Variants in PPP2R2A observed in about 807,000 individuals in gnomAD.
The protein encoded by PPP2R2A is protein phosphatase 2 regulatory subunit Balpha.
In PPP2R2A, 9 loss-of-function variants were observed where a neutral mutation model predicts 53.2. The observed-to-expected ratio is 0.17, with a 90% CI of 0.10 to 0.30. The LOEUF (loss-of-function observed/expected upper bound fraction) is 0.30, where lower values mean the gene tolerates loss of function less well. Among genes scored for constraint, PPP2R2A ranks in the 10% least tolerant of loss-of-function variants. PPP2R2A has a pLI of 1.00. For synonymous variants in PPP2R2A, 169 were observed against 174.2 expected, an observed-to-expected ratio of 0.97 and a Z score of 0.23; for missense variants, 235 against 534.6, an observed-to-expected ratio of 0.44 and a Z score of 5.53.
At chr8:26,325,008 G>A (rs1447906747) in intron 2 of PPP2R2A, among the ~76,000 whole-genome samples, 1 of 149,408 alleles carries the variant, frequency 6.7e-6, no homozygotes, top group Non-Finnish European at 1.5e-5. Context: ...ACTGTATCTA[G>A]GGTGCCTTGT....
In PPP2R2A at chr8:26,370,071, A is replaced by G. The variant is rs184143190; in HGVS notation, c.1065-63A>G. On this transcript the variant is annotated intron_variant, in intron 9 of 9. Transcript: ENST00000380737. This position sits in a 1 kb window ranked among gnomAD's most constrained non-coding sequence, Gnocchi z 6.1. ...CTTCCTATGGTTTAATTGCCGAATC[A>G]TTTTACTTGAAAACAATTTCTTGTT... 2.1e-4 allele frequency: 314 copies of G among 1,530,830 alleles called. 2 individuals carry two copies. In the South Asian group the frequency reaches 2.6e-3, roughly 13 times the overall value. The allele number at this position is 1,530,830 out of a possible 1,614,324, so 94.8% of individuals were successfully genotyped here. A position where few individuals can be genotyped will look rare whatever the true frequency, so the allele number is the denominator to read the frequency against.
At chr8:26,367,453 C>G (rs566382924) in intron 9 of PPP2R2A, among the ~76,000 whole-genome samples, 1 of 152,184 alleles carries the variant, frequency 6.6e-6, no homozygotes, top group South Asian at 2.1e-4. Flanking sequence ...ATTTGTTTTC[C>G]TTAATATTAA....
intron 1 of PPP2R2A, 177 bp from the exon 2 acceptor site, chr8:26,293,489 A>G (rs1351316775): frequency 1.4e-6 from 1 of 696,534 alleles, no homozygotes; most frequent in Non-Finnish European, 2.3e-6. Flanking sequence ...TTTTCTTTCT[A>G]ATGCAGTACC....
At chr8:26,368,676 C>G (rs560460643) in intron 9 of PPP2R2A, among the ~76,000 whole-genome samples, 162 of 152,246 alleles carry the variant, frequency 1.1e-3, no homozygotes, top group Non-Finnish European at 1.8e-3. Context: ...CAGCATATGC[C>G]TGTAGTCACA....
intron 2 of PPP2R2A, among the ~76,000 whole-genome samples, chr8:26,329,815 A>G (rs1196432620): frequency 2.6e-5 from 4 of 152,190 alleles, no homozygotes; most frequent in Non-Finnish European, 5.9e-5. Context: ...GGAATGTTAT[A>G]CTTTGAAATG....
intron 9 of PPP2R2A, 31 bp downstream of exon 9, chr8:26,366,437 T>G: frequency 8.8e-6 from 13 of 1,473,654 alleles, no homozygotes; most frequent in South Asian, 7.8e-5. Flanking sequence ...AAATATGAAT[T>G]TTATTAAAGA....
In PPP2R2A at chr8:26,338,867, TTTG is replaced by T. The variant is rs768545016; in HGVS notation, c.83-20_83-18del. 2 of 1,491,906 alleles carry T rather than the reference TTTG, an allele frequency of 1.3e-6. No individual in the cohort carries two copies. Among genetic ancestry groups the T allele is most frequent in the Admixed American group, 3.7e-5 (2 of 54,724 alleles). 92.4% of individuals were successfully genotyped at this position (1,491,906 alleles called of 1,614,324 possible). ...CGGGAAAGAAAAACTAATATCTTTTTTTGTTTTGTCTCAATTATACAGCAGATA... is the reference window on the plus strand; with the variant it reads ...CGGGAAAGAAAAACTAATATCTTTTTTTTTGTCTCAATTATACAGCAGATA... On this transcript the variant is annotated intron_variant, in intron 2 of 9. Coordinates refer to ENST00000380737, the MANE Select transcript of PPP2R2A (RefSeq NM_002717.4). This position sits in a 1 kb window ranked among gnomAD's most constrained non-coding sequence, Gnocchi z 4.5.
chr8:26,319,505 CT>C (rs1415408592), intron 2 of PPP2R2A, among the ~76,000 whole-genome samples: 1 of 152,116 alleles, frequency 6.6e-6, no homozygotes, highest in African/African-American at 2.4e-5. Flanking sequence ...GTCTTTAGCC[CT>C]TTGATCCACT....
rs1052259581 is a variant in PPP2R2A at position 26,291,613 on chromosome 8, G to A, written c.-207G>A. 5.0e-5 allele frequency: 29 copies of A among 579,732 alleles called. No individual in the cohort carries two copies. Among genetic ancestry groups the A allele is most frequent in the Non-Finnish European group, 8.2e-5 (27 of 330,514 alleles). 35.9% of individuals were successfully genotyped at this position (579,732 alleles called of 1,614,324 possible). The stretch of plus-strand genomic sequence containing the variant: ...CGCCGCTGCCGGAGAAAGAGCACGA[G>A]CGGGGAAGCCCCAGAGTGAAATCTA... On this transcript the variant is annotated 5_prime_UTR_variant, in exon 1 of 10. Transcript: ENST00000380737.
Position 26,338,835 on chromosome 8 carries a change from A to T in PPP2R2A, c.83-55A>T. On this transcript the variant is annotated intron_variant, in intron 2 of 9. Transcript: ENST00000380737. The surrounding 1 kb of genome is among the most constrained non-coding windows in gnomAD (Gnocchi z 4.5). ...GGAAAACACGCTAAGTTCTGAAACT[A>T]GTGAGTCGGGAAAGAAAAACTAATA... 2 of 1,251,472 alleles carry T rather than the reference A, an allele frequency of 1.6e-6. No individual in the cohort carries two copies. Among genetic ancestry groups the T allele is most frequent in the South Asian group, 2.6e-5 (2 of 75,964 alleles). The allele number at this position is 1,251,472 out of a possible 1,614,324, so 77.5% of individuals were successfully genotyped here. A position where few individuals can be genotyped will look rare whatever the true frequency, so the allele number is the denominator to read the frequency against.
chr8:26,371,627 T>C lies in PPP2R2A; in HGVS notation c.*1214T>C, dbSNP rs1178749981. ...CTGCACTAAATACTTTTTTTGTATT[T>C]TACTGCTATCAAATCAGAATGAAAT... On this transcript the variant is annotated 3_prime_UTR_variant, in exon 10 of 10. Coordinates refer to ENST00000380737, the MANE Select transcript of PPP2R2A (RefSeq NM_002717.4). The C allele has an allele frequency of 3.3e-5, 5 of 152,216 alleles. No individual in the cohort carries two copies. The highest frequency in any genetic ancestry group is 1.2e-4 in the African/African-American group (5 of 41,470). 9.4% of individuals were successfully genotyped at this position (152,216 alleles called of 1,614,324 possible).
At chr8:26,316,925 G>A (rs535557983) in intron 2 of PPP2R2A, among the ~76,000 whole-genome samples, 1 of 152,340 alleles carries the variant, frequency 6.6e-6, no homozygotes, top group African/African-American at 2.4e-5. Context: ...GCAACATAAA[G>A]TAGAACATAA....
intron 1 of PPP2R2A, 32 bp downstream of exon 1, chr8:26,291,858 A>G (rs762951907): frequency 2.0e-5 from 32 of 1,606,666 alleles, no homozygotes; most frequent in Admixed American, 5.1e-5. Context: ...CCCCCTGACA[A>G]GGCACCGCTT....
chr8:26,301,414 C>T (rs992247195), intron 2 of PPP2R2A, among the ~76,000 whole-genome samples: 3 of 150,510 alleles, frequency 2.0e-5, no homozygotes, highest in Admixed American at 2.0e-4. Context: ...CTCACTGCAG[C>T]CTCAACCTCC....
intron 2 of PPP2R2A, among the ~76,000 whole-genome samples, chr8:26,336,631 G>C (rs1803675656): frequency 1.3e-5 from 2 of 152,120 alleles, no homozygotes; most frequent in African/African-American, 4.8e-5. Context: ...ACTTCCAGCA[G>C]TTTGGAAGGC....
rs926727443 is a variant in PPP2R2A at position 26,344,390 on chromosome 8, TA to T, written c.180+5411del. Among the ~76,000 whole-genome samples the T allele has an allele frequency of 4.6e-5, 7 of 152,150 alleles. No homozygotes were observed. In the East Asian group the frequency reaches 9.6e-4, roughly 21 times the overall value. On this transcript the variant is annotated intron_variant, in intron 3 of 9. Coordinates refer to ENST00000380737, the MANE Select transcript of PPP2R2A (RefSeq NM_002717.4). Reference sequence around the variant, plus strand: ...ACAATGCTGGCTATTGATATTAAAATAAAAAAAACTTTAATCCTGTTTGGTG... The same window carrying T: ...ACAATGCTGGCTATTGATATTAAAATAAAAAAACTTTAATCCTGTTTGGTG...
At chr8:26,368,488 A>T (rs1805497200) in intron 9 of PPP2R2A, among the ~76,000 whole-genome samples, 3 of 152,256 alleles carry the variant, frequency 2.0e-5, no homozygotes, top group Admixed American at 6.5e-5. Flanking sequence ...CTGACAAGGA[A>T]GTGTCTTGGG....
At position 26,299,989 on chromosome 8, in the gene PPP2R2A, A is replaced by G. The variant is rs558295646; in HGVS notation, c.82+6249A>G. 3.9e-5 allele frequency among the ~76,000 whole-genome samples: 6 copies of G among 152,356 alleles called. No individual in the cohort carries two copies. The South Asian group carries it at 1.0e-3, about 26-fold the overall frequency. On this transcript the variant is annotated intron_variant, in intron 2 of 9. Transcript: ENST00000380737. ...ACTAGCATTACTACTGAAGTCTAGT[A>G]GACCTCACTCAGTACAGTCACTTAA... is the stretch of plus-strand genomic sequence containing the variant.
chr8:26,326,780 G>C (rs1353497858), intron 2 of PPP2R2A, among the ~76,000 whole-genome samples: 1 of 152,216 alleles, frequency 6.6e-6, no homozygotes, highest in Admixed American at 6.5e-5. Flanking sequence ...CCAGTTAAAA[G>C]TTGAGGAACA....
Sources: allele counts gnomAD v4.1 joint callset (sites outside exome capture counted in the v4.1 genomes callset), GRCh38; gene constraint gnomAD v4.1.1; non-coding constraint Gnocchi (gnomAD v3.1); transcripts MANE v1.5; gene names NCBI Gene and HGNC (gene_info 2026-07-23, HGNC 2026-07-21).